Variants in PSMD1 observed in about 807,000 individuals in gnomAD.
PSMD1 encodes 26S proteasome non-ATPase regulatory subunit 1.
Under a neutral mutation model 119.0 loss-of-function variants are expected in PSMD1, and 18 were observed. That is an observed-to-expected ratio of 0.15 (90% CI 0.10 to 0.22). PSMD1 has a LOEUF of 0.22. PSMD1 is among the 10% of genes least tolerant of loss of function. The probability of loss-of-function intolerance (pLI) is 1.00; values close to 1 mark genes in which losing one functional copy is unlikely to be tolerated. For synonymous variants in PSMD1, 374 were observed against 396.6 expected (o/e 0.94, Z 0.68); for missense variants, 702 against 1,158.5 (o/e 0.61, Z 5.72).
intron 11 of PSMD1, 34 bp from the exon 12 acceptor site, chr2:231,080,107 T>C (rs1694271334): frequency 6.4e-6 from 10 of 1,555,604 alleles, no homozygotes; most frequent in Non-Finnish European, 8.7e-6. Flanking sequence ...TTACTTTCTC[T>C]TTTTGATGTC....
chr2:231,160,591 A>G (rs1696614315), intron 19 of PSMD1, among the ~76,000 whole-genome samples: 1 of 152,338 alleles, frequency 6.6e-6, no homozygotes, highest in African/African-American at 2.4e-5. Flanking sequence ...AACTAAGCAA[A>G]CTATCTATGC....
At chr2:231,073,652 T>G (rs1694092705) in intron 7 of PSMD1, among the ~76,000 whole-genome samples, 1 of 152,144 alleles carries the variant, frequency 6.6e-6, no homozygotes, top group African/African-American at 2.4e-5. Flanking sequence ...TTACTTAGGT[T>G]TTTTATTTTT....
chr2:231,139,534 A>T (rs1024105806), intron 17 of PSMD1, among the ~76,000 whole-genome samples: 1 of 141,114 alleles, frequency 7.1e-6, no homozygotes. Flanking sequence ...GGCATGAGCC[A>T]CTGTGCCTGG....
intron 19 of PSMD1, among the ~76,000 whole-genome samples, chr2:231,161,055 T>A (rs1304609950): frequency 1.3e-5 from 2 of 151,976 alleles, no homozygotes; most frequent in South Asian, 2.1e-4. Flanking sequence ...CTACAAAAAA[T>A]TTAAAAATCA....
chr2:231,155,926 A>G (rs1329474474), intron 19 of PSMD1, among the ~76,000 whole-genome samples: 1 of 152,124 alleles, frequency 6.6e-6, no homozygotes, highest in Non-Finnish European at 1.5e-5. Context: ...CCCATTTACA[A>G]GCTACATATG....
At chr2:231,113,779 G>A (rs746793865) in intron 16 of PSMD1, 1 of 1,614,114 alleles carries the variant, frequency 6.2e-7, no homozygotes, top group Non-Finnish European at 8.5e-7. Flanking sequence ...TGTAGCCCGT[G>A]AGTTATATTG....
At chr2:231,135,122 G>T (rs552228067) in intron 16 of PSMD1, among the ~76,000 whole-genome samples, 54 of 152,272 alleles carry the variant, frequency 3.5e-4, no homozygotes, top group Middle Eastern at 3.4e-3. Flanking sequence ...GATGATTTGG[G>T]TATCAAATTA....
intron 17 of PSMD1, among the ~76,000 whole-genome samples, chr2:231,143,198 GGTT>G (rs1696169614): frequency 6.4e-5 from 1 of 15,706 alleles, no homozygotes; most frequent in Non-Finnish European, 4.5e-4. Flanking sequence ...GGTTTGGTTT[GGTT>G]TGGTTTGGTT....
At chr2:231,133,856 G>A (rs1022051772) in intron 16 of PSMD1, among the ~76,000 whole-genome samples, 20 of 152,326 alleles carry the variant, frequency 1.3e-4, no homozygotes, top group Admixed American at 1.2e-3. Context: ...TGAAAGAAAG[G>A]AATTCATATG....
At chr2:231,075,415 T>G (rs1694136550) in intron 7 of PSMD1, 96 bp from the exon 8 acceptor site, 1 of 1,145,614 alleles carries the variant, frequency 8.7e-7, no homozygotes, top group African/African-American at 1.6e-5. Context: ...AAACATTATT[T>G]TCTTGCAAAA....
rs1696288761 is a variant in PSMD1 at position 231,148,032 on chromosome 2, T to G, written c.2115+1676T>G. ...AATCATTTTCAGGACTTTCAAAAATTGTATTATTACAAAGATAGAATCTGA... is the reference window on the plus strand; with the variant it reads ...AATCATTTTCAGGACTTTCAAAAATGGTATTATTACAAAGATAGAATCTGA... On this transcript the variant is annotated intron_variant, in intron 18 of 24. Coordinates refer to ENST00000308696, the MANE Select transcript of PSMD1 (RefSeq NM_002807.4). Among the ~76,000 whole-genome samples, 3 of 152,246 alleles carry G rather than the reference T, an allele frequency of 2.0e-5. No individual in the cohort carries two copies. In the South Asian group the frequency reaches 6.2e-4, roughly 31 times the overall value.
chr2:231,150,117 G>C (rs140774016), intron 18 of PSMD1, among the ~76,000 whole-genome samples: 230 of 152,210 alleles, frequency 1.5e-3, no homozygotes, highest in African/African-American at 5.2e-3. Context: ...AGGCCAAGGC[G>C]GGTGGATCAC....
chr2:231,163,497 G>A, intron 20 of PSMD1, 138 bp from the exon 21 acceptor site: 1 of 571,936 alleles, frequency 1.7e-6, no homozygotes. Flanking sequence ...AGTAAAAGTA[G>A]ACATGGCTTT....
At chr2:231,109,437 G>T in intron 16 of PSMD1, 1 of 1,600,512 alleles carries the variant, frequency 6.2e-7, no homozygotes, top group South Asian at 1.1e-5. Context: ...AAGATAAATT[G>T]AGTCATTTTA....
chr2:231,057,088 C>T (rs776991755), intron 1 of PSMD1, 47 bp downstream of exon 1: 4 of 1,480,766 alleles, frequency 2.7e-6, no homozygotes, highest in Non-Finnish European at 2.7e-6. Flanking sequence ...GCCGCCGCCG[C>T]GCCGGCTTTT....
chr2:231,151,731 G>A (rs1400085870), intron 18 of PSMD1, among the ~76,000 whole-genome samples: 2 of 148,402 alleles, frequency 1.3e-5, no homozygotes, highest in East Asian at 4.0e-4. Context: ...TAATGTAAAT[G>A]TTCATCTAAA....
chr2:231,078,033 C>T (rs919829802), intron 9 of PSMD1, among the ~76,000 whole-genome samples: 10 of 152,178 alleles, frequency 6.6e-5, no homozygotes, highest in African/African-American at 1.7e-4. Context: ...TCTGGGAGGC[C>T]GAGGCAGGCG....
At chr2:231,091,937 A>G (rs1253248727) in intron 16 of PSMD1, among the ~76,000 whole-genome samples, 1 of 152,102 alleles carries the variant, frequency 6.6e-6, no homozygotes, top group African/African-American at 2.4e-5. Flanking sequence ...TCCCCTGTAT[A>G]TTCTAAGGCA....
Position 231,075,339 on chromosome 2 carries a change from A to G in PSMD1, c.882-172A>G, listed in dbSNP as rs146082183. Among the ~76,000 whole-genome samples the G allele has an allele frequency of 4.2e-3, 634 of 152,334 alleles. 5 individuals carry two copies. The highest frequency in any genetic ancestry group is 0.015 in the African/African-American group (615 of 41,566). On this transcript the variant is annotated intron_variant, in intron 7 of 24. Coordinates refer to ENST00000308696, the MANE Select transcript of PSMD1 (RefSeq NM_002807.4). ...GTTTTTATTATTTGGAGGAAATTTA[A>G]TAACTGGATTGCCTCCATCTTAGAG...
Sources: gnomAD v4.1 joint callset for allele counts (sites outside exome capture counted in the v4.1 genomes callset) on GRCh38, gnomAD v4.1.1 for gene constraint, MANE v1.5 for transcripts, NCBI Gene and HGNC (gene_info 2026-07-23, HGNC 2026-07-21) for gene names.